Variants in PAPSS1 observed in about 807,000 individuals in gnomAD.
The protein encoded by PAPSS1 is bifunctional 3'-phosphoadenosine 5'-phosphosulfate synthase 1.
In PAPSS1, 50 loss-of-function variants were observed where a neutral mutation model predicts 72.0. That is an observed-to-expected ratio of 0.69 (90% CI 0.55 to 0.88). PAPSS1 has a LOEUF of 0.88. Among genes scored for constraint, PAPSS1 ranks in the 40% least tolerant of loss-of-function variants. The pLI is 0.00. For synonymous variants in PAPSS1, 261 were observed against 263.6 expected, an observed-to-expected ratio of 0.99 and a Z score of 0.09; for missense variants, 657 against 782.2, an observed-to-expected ratio of 0.84 and a Z score of 1.91.
At chr4:107,650,390 ATG>A (rs1726807547) in intron 9 of PAPSS1, among the ~76,000 whole-genome samples, 1 of 149,996 alleles carries the variant, frequency 6.7e-6, no homozygotes, top group African/African-American at 2.4e-5. Flanking sequence ...CATTCTCTAA[ATG>A]ACTTAAAATG....
At chr4:107,636,836 TTAAAA>T (rs1726398618) in intron 10 of PAPSS1, among the ~76,000 whole-genome samples, 1 of 152,188 alleles carries the variant, frequency 6.6e-6, no homozygotes, top group Admixed American at 6.5e-5. Flanking sequence ...ATAACTGTAA[TTAAAA>T]TAAACAGATT....
chr4:107,714,876 T>A (rs1433941732), intron 1 of PAPSS1, among the ~76,000 whole-genome samples: 1 of 152,040 alleles, frequency 6.6e-6, no homozygotes, highest in Admixed American at 6.6e-5. Flanking sequence ...GCAACTACGC[T>A]AAGGGGAGGC....
At position 107,720,152 on chromosome 4, in the gene PAPSS1, T is replaced by A. The variant is rs1723744264; in HGVS notation, c.28A>T (p.Lys10Ter). ...TGCGCGTTATTGCTCAGTTTGACTT[T>A]CTTGCACAGGCTCCCGGGGATCTCC... MEIPGSLCK[K>*]VKLSNNAQNW... Residue 10 changes from lysine to a stop codon, truncating the protein, a stop_gained, in exon 1 of 12, where the codon AAA (lysine) becomes TAA (stop). Transcript: ENST00000265174. LOFTEE classifies it high-confidence loss of function. 1 of 1,605,986 alleles carries A rather than the reference T, an allele frequency of 6.2e-7. No individual in the cohort carries two copies. Among genetic ancestry groups the A allele is most frequent in the Non-Finnish European group, 8.5e-7 (1 of 1,176,610 alleles).
At position 107,614,202 on chromosome 4, in the gene PAPSS1, T is replaced by C; in HGVS notation, c.*47A>G. 1 of 1,579,388 alleles carries C rather than the reference T, an allele frequency of 6.3e-7. No individual in the cohort carries two copies. The highest frequency in any genetic ancestry group is 8.7e-7 in the Non-Finnish European group (1 of 1,155,068). On this transcript the variant is annotated 3_prime_UTR_variant, in exon 12 of 12. Transcript: ENST00000265174. ...TGCCAACAGAGACTATGTGGTCCCC[T>C]CTTGTTACTAGTAATGTGTCAAAGG... is the stretch of plus-strand genomic sequence containing the variant.
chr4:107,701,202 A>C lies in PAPSS1; in HGVS notation c.144T>G (p.Gly48=). Residue 48 remains glycine (G), a synonymous_variant, in exon 2 of 12, where the codon GGT becomes GGG. Transcript: ENST00000265174. Reference sequence around the variant, plus strand: ...GCCAAACTGTGCAACCACGAAAGCCACCTCTGGTCCCCACCACCTGACCTC... The same window carrying C: ...GCCAAACTGTGCAACCACGAAAGCCCCCTCTGGTCCCCACCACCTGACCTC... The part of the protein sequence containing the change: ...NKRGQVVGTR[G]GFRGCTVWLT... 6.2e-7 allele frequency: 1 copy of C among 1,613,612 alleles called. No individual in the cohort carries two copies. Among genetic ancestry groups the C allele is most frequent in the Non-Finnish European group, 8.5e-7 (1 of 1,179,744 alleles).
At chr4:107,697,148 G>A (rs1271816414) in intron 2 of PAPSS1, among the ~76,000 whole-genome samples, 1 of 152,216 alleles carries the variant, frequency 6.6e-6, no homozygotes, top group Non-Finnish European at 1.5e-5. Context: ...AGCCCGCTAA[G>A]CTCCCAGCTG....
At chr4:107,665,203 T>G (rs1397755895) in intron 5 of PAPSS1, among the ~76,000 whole-genome samples, 2 of 152,198 alleles carry the variant, frequency 1.3e-5, no homozygotes, top group African/African-American at 4.8e-5. Context: ...ACAAAAGGAC[T>G]CAGTCTCTTA....
At chr4:107,638,083 G>T (rs1271417311) in intron 10 of PAPSS1, among the ~76,000 whole-genome samples, 1 of 152,154 alleles carries the variant, frequency 6.6e-6, no homozygotes, top group Non-Finnish European at 1.5e-5. Flanking sequence ...ACAGATTCCT[G>T]ATACTGTGGC....
chr4:107,628,075 A>G (rs1726143866), intron 11 of PAPSS1, among the ~76,000 whole-genome samples: 1 of 152,174 alleles, frequency 6.6e-6, no homozygotes, highest in African/African-American at 2.4e-5. Flanking sequence ...ATAAACTAGA[A>G]TATCTTCCGT....
chr4:107,620,144 A>G (rs1269062244), intron 11 of PAPSS1, among the ~76,000 whole-genome samples: 1 of 152,218 alleles, frequency 6.6e-6, no homozygotes, highest in Non-Finnish European at 1.5e-5. Flanking sequence ...ATTCGATTAG[A>G]CCAGCTTTTT....
intron 5 of PAPSS1, among the ~76,000 whole-genome samples, chr4:107,680,829 G>C (rs1482992465): frequency 6.6e-6 from 1 of 152,084 alleles, no homozygotes; most frequent in Non-Finnish European, 1.5e-5. Context: ...AGGCAGAGAT[G>C]ATGAAGCATA....
intron 10 of PAPSS1, among the ~76,000 whole-genome samples, chr4:107,643,567 C>T (rs1055209006): frequency 4.6e-5 from 7 of 152,078 alleles, no homozygotes; most frequent in Admixed American, 6.5e-5. Flanking sequence ...CTTCCTGAAC[C>T]GCACCTCACT....
chr4:107,614,385 T>C lies in PAPSS1; in HGVS notation c.1739A>G (p.His580Arg), dbSNP rs776774444. Residue 580 changes from histidine (H) to arginine (R), a missense_variant and splice_region_variant, in exon 12 of 12, where the codon CAT becomes CGT. Around this residue, in one of 7 missense-constraint regions of PAPSS1, gnomAD observed 103 missense variants for 93.8 expected, o/e 1.10. Transcript: ENST00000265174. ...KRMDYYDSEH[H>R]EDFEFISGTR... ...TCCTGAAATAAATTCAAAGTCTTCA[T>C]GGCTAAAGGAGAGGAAAAAAAGAAA... 1 of 1,599,092 alleles carries C rather than the reference T, an allele frequency of 6.3e-7. No individual in the cohort carries two copies. Among genetic ancestry groups the C allele is most frequent in the East Asian group, 2.2e-5 (1 of 44,810 alleles).
chr4:107,646,068 G>T (rs187006631), intron 9 of PAPSS1, among the ~76,000 whole-genome samples: 112 of 152,190 alleles, frequency 7.4e-4, no homozygotes, highest in Non-Finnish European at 1.3e-3. Context: ...CTTTATACAT[G>T]AACAGAACAG....
At chr4:107,675,185 G>C (rs994754750) in intron 5 of PAPSS1, among the ~76,000 whole-genome samples, 16 of 152,140 alleles carry the variant, frequency 1.1e-4, no homozygotes, top group Admixed American at 8.5e-4. Context: ...ACTAAGATCA[G>C]AGCAGAACTG....
At chr4:107,681,440 C>T (rs1442674764) in intron 5 of PAPSS1, among the ~76,000 whole-genome samples, 1 of 152,042 alleles carries the variant, frequency 6.6e-6, no homozygotes, top group Non-Finnish European at 1.5e-5. Flanking sequence ...TTCTAAAAAC[C>T]CAGACTAAAG....
At position 107,614,184 on chromosome 4, in the gene PAPSS1, A is replaced by C; in HGVS notation, c.*65T>G. ...ACAGACACCACAAAGAAATGCCAAC[A>C]GAGACTATGTGGTCCCCTCTTGTTA... On this transcript the variant is annotated 3_prime_UTR_variant, in exon 12 of 12. Transcript: ENST00000265174. The C allele has an allele frequency of 1.3e-6, 2 of 1,486,102 alleles. No individual in the cohort carries two copies. Among genetic ancestry groups the C allele is most frequent in the Non-Finnish European group, 1.8e-6 (2 of 1,084,054 alleles). 92.1% of individuals were successfully genotyped at this position (1,486,102 alleles called of 1,614,324 possible). A position where few individuals can be genotyped will look rare whatever the true frequency, so the allele number is the denominator to read the frequency against.
At chr4:107,708,678 G>C (rs909983028) in intron 1 of PAPSS1, among the ~76,000 whole-genome samples, 1 of 152,156 alleles carries the variant, frequency 6.6e-6, no homozygotes, top group Non-Finnish European at 1.5e-5. Flanking sequence ...TCTCTAAAAA[G>C]AATGCTCCCT....
intron 1 of PAPSS1, among the ~76,000 whole-genome samples, chr4:107,714,946 C>T (rs1346163901): frequency 6.6e-6 from 1 of 152,088 alleles, no homozygotes; most frequent in Non-Finnish European, 1.5e-5. Context: ...ACTAAAATTT[C>T]AAAGTATCCA....
Sources: allele counts gnomAD v4.1 joint callset (sites outside exome capture counted in the v4.1 genomes callset), GRCh38; gene constraint gnomAD v4.1.1; regional missense constraint gnomAD v4.1.1; transcripts MANE v1.5; gene names NCBI Gene and HGNC (gene_info 2026-07-23, HGNC 2026-07-21).